PRKCA: variants seen among roughly 807,000 people sequenced by gnomAD.
The protein encoded by PRKCA is protein kinase C alpha.
Under a neutral mutation model 87.0 loss-of-function variants are expected in PRKCA, and 27 were observed. That is an observed-to-expected ratio of 0.31 (90% CI 0.23 to 0.43). PRKCA has a LOEUF of 0.43. Ranked by LOEUF, PRKCA falls within the 20% of genes least tolerant of loss-of-function variation. The probability of loss-of-function intolerance (pLI) is 1.00; values close to 1 mark genes in which losing one functional copy is unlikely to be tolerated. For missense variants in PRKCA, 518 were observed against 852.3 expected, an observed-to-expected ratio of 0.61 and a Z score of 4.88; for synonymous variants, 329 against 311.1, an observed-to-expected ratio of 1.06 and a Z score of -0.61.
At chr17:66,329,811 T>C (rs1028750457) in intron 2 of PRKCA, among the ~76,000 whole-genome samples, 1 of 152,154 alleles carries the variant, frequency 6.6e-6, no homozygotes, top group African/African-American at 2.4e-5. Flanking sequence ...TACCAAGGAT[T>C]GTTCAGTCAA....
chr17:66,351,340 C>T (rs78411723), intron 2 of PRKCA, among the ~76,000 whole-genome samples: 3,578 of 152,306 alleles, frequency 0.023, 77 homozygotes, highest in East Asian at 0.1. Flanking sequence ...AGTTTTGGTG[C>T]CCCCGTTTCT....
chr17:66,715,213 C>T (rs1474762324), intron 8 of PRKCA, among the ~76,000 whole-genome samples: 1 of 151,626 alleles, frequency 6.6e-6, no homozygotes, highest in Non-Finnish European at 1.5e-5. Flanking sequence ...AGGGAAGGCT[C>T]TGGAACCTTC....
intron 2 of PRKCA, among the ~76,000 whole-genome samples, chr17:66,313,807 T>C (rs1905182818): frequency 6.6e-6 from 1 of 152,176 alleles, no homozygotes; most frequent in Non-Finnish European, 1.5e-5. Flanking sequence ...ATAATAAAGG[T>C]TTTTGTGCTT....
At chr17:66,545,873 G>GA (rs1968132144) in intron 3 of PRKCA, among the ~76,000 whole-genome samples, 1 of 152,072 alleles carries the variant, frequency 6.6e-6, no homozygotes, top group South Asian at 2.1e-4. Flanking sequence ...TTTCTTTTAG[G>GA]AAAAAAAGTA....
intron 3 of PRKCA, among the ~76,000 whole-genome samples, chr17:66,578,386 G>A (rs1969307871): frequency 6.6e-6 from 1 of 152,120 alleles, no homozygotes; most frequent in African/African-American, 2.4e-5. Flanking sequence ...CCTTGGCGAA[G>A]GATAAAGTGG....
chr17:66,547,307 C>G (rs1968173401), intron 3 of PRKCA, among the ~76,000 whole-genome samples: 1 of 152,176 alleles, frequency 6.6e-6, no homozygotes, highest in Admixed American at 6.5e-5. Flanking sequence ...GCTGTGGTCT[C>G]CCTCTGTGCC....
At chr17:66,512,530 T>G (rs981838826) in intron 3 of PRKCA, among the ~76,000 whole-genome samples, 23 of 151,582 alleles carry the variant, frequency 1.5e-4, no homozygotes, top group Admixed American at 6.6e-4. Flanking sequence ...CCCATCATGA[T>G]TGTGATCTGG....
At chr17:66,694,507 AG>A (rs60922194) in intron 8 of PRKCA, among the ~76,000 whole-genome samples, 138 of 148,108 alleles carry the variant, frequency 9.3e-4, no homozygotes, top group African/African-American at 3.1e-3. Flanking sequence ...AAAAAAAAAA[AG>A]GATTTGATGT....
rs372062318 is a variant in PRKCA at position 66,571,070 on chromosome 17, G to C, written c.289-70285G>C. Reference sequence around the variant, plus strand: ...TTGCATAAACCACACATTCCAGAGGGGTTCTAATCGTGTTTACATATACTT... The same window carrying C: ...TTGCATAAACCACACATTCCAGAGGCGTTCTAATCGTGTTTACATATACTT... On this transcript the variant is annotated intron_variant, in intron 3 of 16. Transcript: ENST00000413366. Among the ~76,000 whole-genome samples the C allele has an allele frequency of 3.0e-4, 46 of 152,258 alleles. 1 individual carries two copies. In the South Asian group the frequency reaches 9.3e-3, roughly 31 times the overall value.
chr17:66,637,627 C>T (rs921042753), intron 3 of PRKCA, among the ~76,000 whole-genome samples: 4 of 151,876 alleles, frequency 2.6e-5, no homozygotes, highest in Admixed American at 2.0e-4. Context: ...TGACCTGCCT[C>T]GAGGATATCA....
intron 2 of PRKCA, among the ~76,000 whole-genome samples, chr17:66,344,517 A>T (rs934698016): frequency 2.0e-5 from 3 of 151,922 alleles, no homozygotes; most frequent in Non-Finnish European, 2.9e-5. Flanking sequence ...AACAACAACA[A>T]CAACAACAAA....
At chr17:66,757,509 A>C (rs1974574666) in intron 13 of PRKCA, among the ~76,000 whole-genome samples, 1 of 151,646 alleles carries the variant, frequency 6.6e-6, no homozygotes, top group South Asian at 2.1e-4. Context: ...AGAGCGGGGA[A>C]AGCAACACGT....
intron 14 of PRKCA, chr17:66,774,752 A>G: frequency 1.0e-6 from 1 of 985,566 alleles, no homozygotes; most frequent in Non-Finnish European, 1.2e-6. Flanking sequence ...CAATGTGTGT[A>G]ATTAGTATTA....
intron 14 of PRKCA, among the ~76,000 whole-genome samples, chr17:66,778,645 G>A (rs1321911230): frequency 6.6e-6 from 1 of 152,048 alleles, no homozygotes; most frequent in Non-Finnish European, 1.5e-5. Flanking sequence ...CCAGGAGTTC[G>A]AGACCAGGGC....
chr17:66,592,975 A>G (rs1969856798), intron 3 of PRKCA, among the ~76,000 whole-genome samples: 1 of 152,108 alleles, frequency 6.6e-6, no homozygotes, highest in East Asian at 1.9e-4. Context: ...TATTTTTAGT[A>G]GAGACAGGGT....
chr17:66,669,038 G>A (rs1225480829), intron 5 of PRKCA, among the ~76,000 whole-genome samples: 2 of 152,012 alleles, frequency 1.3e-5, no homozygotes, highest in Non-Finnish European at 2.9e-5. Flanking sequence ...TGAGTTCAAG[G>A]CTGCAGTGAG....
In PRKCA at chr17:66,788,904, G is replaced by C; in HGVS notation, c.1779G>C (p.Glu593Asp). 1 of 1,614,002 alleles carries C rather than the reference G, an allele frequency of 6.2e-7. No homozygotes were observed. Among genetic ancestry groups the C allele is most frequent in the South Asian group, 1.1e-5 (1 of 91,074 alleles). Reference sequence around the variant, plus strand: ...CTGAGGGGGAGAGGGACGTGAGAGAGCATGCCTTCTTCCGGAGGATCGACT... The same window carrying C: ...CTGAGGGGGAGAGGGACGTGAGAGACCATGCCTTCTTCCGGAGGATCGACT... The part of the protein sequence containing the change: ...CGPEGERDVR[E>D]HAFFRRIDWE... Residue 593 changes from glutamate (E) to aspartate (D), a missense_variant, in exon 16 of 17, where the codon GAG becomes GAC. Physicochemically the swap from Glu to Asp is conservative, Grantham distance 45. This residue lies in a region of PRKCA where 159 missense variants were observed against 232.4 expected (regional missense o/e 0.68). Coordinates refer to ENST00000413366, the MANE Select transcript of PRKCA (RefSeq NM_002737.3).
chr17:66,458,290 C>A (rs1401677746), intron 2 of PRKCA, among the ~76,000 whole-genome samples: 1 of 152,022 alleles, frequency 6.6e-6, no homozygotes, highest in Non-Finnish European at 1.5e-5. Flanking sequence ...TCTATTTAGG[C>A]CATTGAAATA....
At chr17:66,638,975 G>C (rs1349424026) in intron 3 of PRKCA, among the ~76,000 whole-genome samples, 6 of 152,226 alleles carry the variant, frequency 3.9e-5, no homozygotes, top group Non-Finnish European at 8.8e-5. Flanking sequence ...CCAGCACCAA[G>C]GCCCTCAGAA....
Sources: gnomAD v4.1 joint callset for allele counts (sites outside exome capture counted in the v4.1 genomes callset) on GRCh38, gnomAD v4.1.1 for gene constraint, gnomAD v4.1.1 regional missense constraint, MANE v1.5 for transcripts, NCBI Gene and HGNC (gene_info 2026-07-23, HGNC 2026-07-21) for gene names.